Variants in RAPH1 observed in about 807,000 individuals in gnomAD.
The protein encoded by RAPH1 is ras-associated and pleckstrin homology domains-containing protein 1.
RAPH1 carries 18 observed loss-of-function variants against 88.1 expected under a neutral mutation model. That is an observed-to-expected ratio of 0.20 (90% confidence interval 0.14 to 0.30). The LOEUF is 0.30. Among genes scored for constraint, RAPH1 ranks in the 10% least tolerant of loss-of-function variants. The pLI, the probability that RAPH1 is intolerant of heterozygous loss-of-function variation, is 1.00. For missense variants in RAPH1, 1,448 were observed against 1,543.2 expected (o/e 0.94, Z 1.03); for synonymous variants, 587 against 559.0 (o/e 1.05, Z -0.71).
In RAPH1 at chr2:203,448,197, A is replaced by ATGAT; in HGVS notation, c.1513-119_1513-118insATCA. 1.1e-6 allele frequency: 1 copy of ATGAT among 874,026 alleles called. No homozygotes were observed. Among genetic ancestry groups the ATGAT allele is most frequent in the Non-Finnish European group, 1.7e-6 (1 of 601,194 alleles). The allele number at this position is 874,026 out of a possible 1,614,324, so 54.1% of individuals were successfully genotyped here. A position where few individuals can be genotyped will look rare whatever the true frequency, so the allele number is the denominator to read the frequency against. On this transcript the variant is annotated intron_variant, in intron 11 of 13. Transcript: ENST00000319170. This position sits in a 1 kb window ranked among gnomAD's most constrained non-coding sequence, Gnocchi z 4.1. ...ATTGATGGTCTGTATTAAAATTAATACCTATGATAGTTCAAAAATTCCTCT... is the reference window on the plus strand; with the variant it reads ...ATTGATGGTCTGTATTAAAATTAATATGATCCTATGATAGTTCAAAAATTCCTCT...
At chr2:203,490,165 A>C (rs1332360145) in intron 3 of RAPH1, 76 bp from the exon 4 acceptor site, 1 of 1,367,898 alleles carries the variant, frequency 7.3e-7, no homozygotes, top group Admixed American at 2.3e-5. Context: ...CAGGTGATGA[A>C]GCAAAAGAAT....
At chr2:203,447,854 G>C in intron 12 of RAPH1, 105 bp downstream of exon 12, 2 of 1,186,162 alleles carry the variant, frequency 1.7e-6, no homozygotes, top group Non-Finnish European at 2.4e-6. Flanking sequence ...ATTAAGTATG[G>C]CTCCGGTTTT....
intron 1 of RAPH1, among the ~76,000 whole-genome samples, chr2:203,498,659 G>T (rs559028760): frequency 3.3e-5 from 5 of 152,138 alleles, no homozygotes; most frequent in African/African-American, 1.2e-4. Context: ...TTTTAAAAAT[G>T]ATTTTAAGAA....
intron 12 of RAPH1, chr2:203,445,556 G>A (rs1421762721): frequency 6.6e-6 from 1 of 152,640 alleles, no homozygotes; most frequent in Non-Finnish European, 1.5e-5. Flanking sequence ...GGTGGCAGCT[G>A]TGCTGTATCC....
chr2:203,481,568 A>AATATATATATATAT (rs60650703), intron 4 of RAPH1, among the ~76,000 whole-genome samples: 19 of 138,122 alleles, frequency 1.4e-4, no homozygotes, highest in African/African-American at 3.8e-4. Flanking sequence ...TAAATAGATG[A>AATATATATATATAT]ATATATATAT....
In RAPH1 at chr2:203,434,596, AAAT is replaced by A. The variant is rs1021567182; in HGVS notation, c.*4838_*4840del. ...AAAAAAAAAAAAGTAGGAGGTGGGGAAATAATATGAAAAACGGCAGTTTTTGGT... is the reference window on the plus strand; with the variant it reads ...AAAAAAAAAAAAGTAGGAGGTGGGGAAATATGAAAAACGGCAGTTTTTGGT... On this transcript the variant is annotated 3_prime_UTR_variant, in exon 14 of 14. Transcript: ENST00000319170. 2.6e-5 allele frequency: 4 copies of A among 151,142 alleles called. No homozygotes were observed. The highest frequency in any genetic ancestry group is 7.3e-5 in the African/African-American group (3 of 41,072). 9.4% of individuals were successfully genotyped at this position (151,142 alleles called of 1,614,324 possible). A position where few individuals can be genotyped will look rare whatever the true frequency, so the allele number is the denominator to read the frequency against.
chr2:203,501,298 T>C (rs1688729669), intron 1 of RAPH1, among the ~76,000 whole-genome samples: 1 of 152,290 alleles, frequency 6.6e-6, no homozygotes, highest in Non-Finnish European at 1.5e-5. Flanking sequence ...CTGTAGGGGA[T>C]TAATTACTTA....
At chr2:203,491,363 CAAT>C (rs563914460) in intron 2 of RAPH1, 44 bp from the exon 3 acceptor site, 10 of 1,298,178 alleles carry the variant, frequency 7.7e-6, no homozygotes, top group Middle Eastern at 3.8e-4. Context: ...ATTCAGGTTT[CAAT>C]AATATAAAAA....
At chr2:203,485,083 AG>A (rs780815256) in intron 4 of RAPH1, among the ~76,000 whole-genome samples, 28 of 152,144 alleles carry the variant, frequency 1.8e-4, no homozygotes, top group Non-Finnish European at 3.5e-4. Context: ...GGCCCCTTAA[AG>A]AACACGTTCA....
chr2:203,437,071 T>TCAGGCA lies in RAPH1; in HGVS notation c.*2365_*2366insTGCCTG, dbSNP rs879757848. The TCAGGCA allele has an allele frequency of 5.0e-3, 761 of 152,280 alleles. 10 individuals carry two copies. Among genetic ancestry groups the TCAGGCA allele is most frequent in the African/African-American group, 0.017 (722 of 41,520 alleles). 9.4% of individuals were successfully genotyped at this position (152,280 alleles called of 1,614,324 possible). A position where few individuals can be genotyped will look rare whatever the true frequency, so the allele number is the denominator to read the frequency against. ...TACTCTCTTCCTGGCATCATTAGTG[T>TCAGGCA]TCAAAAGGATGTCTGCTATTCCAGG... is the stretch of plus-strand genomic sequence containing the variant. On this transcript the variant is annotated 3_prime_UTR_variant, in exon 14 of 14. Coordinates refer to ENST00000319170, the MANE Select transcript of RAPH1 (RefSeq NM_213589.3).
chr2:203,463,201 CA>C (rs71007520), intron 4 of RAPH1, among the ~76,000 whole-genome samples: 3,831 of 114,412 alleles, frequency 0.033, 164 homozygotes, highest in African/African-American at 0.1. Context: ...GACTCCATCT[CA>C]AAAAAAAAAA....
At chr2:203,457,205 T>C (rs2098520339) in intron 8 of RAPH1, among the ~76,000 whole-genome samples, 1 of 151,936 alleles carries the variant, frequency 6.6e-6, no homozygotes. Flanking sequence ...ATTTATTTTA[T>C]TGAGACAGAG....
In RAPH1 at chr2:203,470,339, CAAAA is replaced by C. The variant is rs752244676; in HGVS notation, c.733-8418_733-8415del. 4.0e-5 allele frequency: 60 copies of C among 1,496,044 alleles called. No individual in the cohort carries two copies. In the South Asian group the frequency reaches 6.7e-4, roughly 17 times the overall value. 92.7% of individuals were successfully genotyped at this position (1,496,044 alleles called of 1,614,324 possible). On this transcript the variant is annotated intron_variant, in intron 4 of 13. Coordinates refer to ENST00000319170, the MANE Select transcript of RAPH1 (RefSeq NM_213589.3). ...CTTGTTCAGAAAAGAGAAAAACAAA[CAAAA>C]AAAGGCAATAACAGAAGTCAGTGGA... is the stretch of plus-strand genomic sequence containing the variant.
Position 203,478,533 on chromosome 2 carries a change from G to A in RAPH1, c.732+11051C>T, listed in dbSNP as rs753657109. Among the ~76,000 whole-genome samples the A allele has an allele frequency of 8.6e-5, 13 of 150,740 alleles. No homozygotes were observed. In the East Asian group the frequency reaches 9.8e-4, roughly 11 times the overall value. On this transcript the variant is annotated intron_variant, in intron 4 of 13. Transcript: ENST00000319170. ...GAGATGGAGTCTCACTCTGTCGCTC[G>A]GGCTGGACTGCAGTGGCACGATCTC... is the stretch of plus-strand genomic sequence containing the variant.
rs759568749 is a variant in RAPH1 at position 203,489,942 on chromosome 2, C to T, written c.374G>A (p.Arg125Gln). ...TKATQKLPVS[R>Q]HTLKHGTLKG... is the part of the protein sequence containing the mutation. ...CAAGGTGCCATGTTTCAATGTATGT[C>T]GGCTAACAGGCAATTTCTGAGTAGC... The change falls in exon 4 of 14, where the codon CGA (arginine) becomes CAA (glutamine). Residue 125 changes from arginine to glutamine, a missense_variant. Arg to Gln is a conservative substitution (Grantham distance 43). Around this residue, in one of 2 missense-constraint regions of RAPH1, gnomAD observed 513 missense variants for 653.1 expected, o/e 0.79. Coordinates refer to ENST00000319170, the MANE Select transcript of RAPH1 (RefSeq NM_213589.3). 16 of 1,614,030 alleles carry T rather than the reference C, an allele frequency of 9.9e-6. No individual in the cohort carries two copies. In the Admixed American group the frequency reaches 1.3e-4, roughly 13 times the overall value.
rs866858639 is a variant in RAPH1, at chr2:203,506,885, T to G, written c.1-11532A>C. ...ATATATATATATATATATATAGATA[T>G]ATATATATATATATTTTTTTTTTTT... On this transcript the variant is annotated intron_variant, in intron 1 of 13. Transcript: ENST00000319170. Among the ~76,000 whole-genome samples, 21 of 108,806 alleles carry G rather than the reference T, an allele frequency of 1.9e-4. 2 individuals carry two copies. Among genetic ancestry groups the G allele is most frequent in the East Asian group, 9.6e-4 (4 of 4,152 alleles). 71.4% of individuals were successfully genotyped at this position (108,806 alleles called of 152,430 possible).
At chr2:203,468,605 T>TA in intron 4 of RAPH1, among the ~76,000 whole-genome samples, 1 of 152,300 alleles carries the variant, frequency 6.6e-6, no homozygotes, top group South Asian at 2.1e-4. Flanking sequence ...TTGTCACTGT[T>TA]TATTATCTAT....
At position 203,489,826 on chromosome 2, in the gene RAPH1, A is replaced by C. The variant is rs1276730291; in HGVS notation, c.490T>G (p.Ser164Ala). Reference protein sequence around the residue: ...DDVTAQLEQASLSMDEAAQQS... With the variant: ...DDVTAQLEQAALSMDEAAQQS... ...TGAGCAGCCTCATCCATACTCAAAGAGGCCTGTTCTAACTGTGCAGTGACG... is the reference window on the plus strand; with the variant it reads ...TGAGCAGCCTCATCCATACTCAAAGCGGCCTGTTCTAACTGTGCAGTGACG... The change falls in exon 4 of 14, where the codon TCT becomes GCT. Residue 164 changes from serine (S) to alanine (A), a missense_variant. Ser to Ala is a moderately conservative substitution (Grantham distance 99). This residue lies in a region of RAPH1 where 513 missense variants were observed against 653.1 expected (regional missense o/e 0.79). Coordinates refer to ENST00000319170, the MANE Select transcript of RAPH1 (RefSeq NM_213589.3). 1 of 1,614,108 alleles carries C rather than the reference A, an allele frequency of 6.2e-7. No homozygotes were observed. Among genetic ancestry groups the C allele is most frequent in the Non-Finnish European group, 8.5e-7 (1 of 1,180,042 alleles).
At chr2:203,514,942 T>G (rs542684627) in intron 1 of RAPH1, among the ~76,000 whole-genome samples, 10 of 152,300 alleles carry the variant, frequency 6.6e-5, no homozygotes, top group Non-Finnish European at 1.2e-4. Flanking sequence ...AAAAAGTGTT[T>G]AAAACTAAGT....
Sources: allele counts gnomAD v4.1 joint callset (sites outside exome capture counted in the v4.1 genomes callset), GRCh38; gene constraint gnomAD v4.1.1; regional missense constraint gnomAD v4.1.1; non-coding constraint Gnocchi (gnomAD v3.1); transcripts MANE v1.5; gene names NCBI Gene and HGNC (gene_info 2026-07-23, HGNC 2026-07-21).